Variants in EVI5 observed in about 807,000 individuals in gnomAD.
EVI5 encodes the protein ecotropic viral integration site 5.
In EVI5, 73 loss-of-function variants were observed where a neutral mutation model predicts 112.0. The ratio of observed to expected loss-of-function variants is 0.65; its 90% CI spans 0.54 to 0.79. EVI5 has a LOEUF of 0.79. Ranked by LOEUF, EVI5 falls within the 30% of genes least tolerant of loss-of-function variation. The pLI is 0.00. For synonymous variants in EVI5, 305 were observed against 319.9 expected (o/e 0.95, Z 0.50); for missense variants, 900 against 968.8 (o/e 0.93, Z 0.94).
intron 1 of EVI5, among the ~76,000 whole-genome samples, chr1:92,765,215 CTTT>C (rs533143502): frequency 8.6e-6 from 1 of 116,430 alleles, no homozygotes; most frequent in South Asian, 2.9e-4. Context: ...TTTTTCCTTC[CTTT>C]TTTTTTTTTT....
chr1:92,522,940 G>A (rs149969437), intron 19 of EVI5, among the ~76,000 whole-genome samples: 1 of 152,134 alleles, frequency 6.6e-6, no homozygotes, highest in Non-Finnish European at 1.5e-5. Context: ...TTTTATTTCT[G>A]TAGAGATGAG....
At chr1:92,634,844 C>T (rs533645096) in intron 14 of EVI5, among the ~76,000 whole-genome samples, 1 of 152,318 alleles carries the variant, frequency 6.6e-6, no homozygotes, top group South Asian at 2.1e-4. Flanking sequence ...TGGTGACGTA[C>T]AGATGGGGTT....
intron 14 of EVI5, among the ~76,000 whole-genome samples, chr1:92,634,480 A>G (rs1053727573): frequency 2.6e-5 from 4 of 152,046 alleles, no homozygotes; most frequent in African/African-American, 7.3e-5. Context: ...TCGGCTACTG[A>G]GGCTTGTGCA....
chr1:92,759,748 T>C (rs1337715218), intron 1 of EVI5, among the ~76,000 whole-genome samples: 1 of 152,196 alleles, frequency 6.6e-6, no homozygotes, highest in African/African-American at 2.4e-5. Flanking sequence ...CTGTCTGGCT[T>C]ATTTTACTTA....
intron 1 of EVI5, among the ~76,000 whole-genome samples, chr1:92,750,757 G>GA (rs1324821647): frequency 6.6e-6 from 1 of 152,006 alleles, no homozygotes; most frequent in East Asian, 1.9e-4. Context: ...TTCTTCCTGT[G>GA]AAAAAGGTCA....
chr1:92,528,881 G>A (rs1224272997), intron 19 of EVI5, among the ~76,000 whole-genome samples: 1 of 152,150 alleles, frequency 6.6e-6, no homozygotes. Flanking sequence ...GCTCATTTTT[G>A]TGATAATTCA....
intron 2 of EVI5, among the ~76,000 whole-genome samples, chr1:92,712,453 GA>G (rs1462443398): frequency 6.6e-6 from 1 of 151,926 alleles, no homozygotes; most frequent in Non-Finnish European, 1.5e-5. Flanking sequence ...AGACATTCCA[GA>G]AAAACAAGCC....
intron 18 of EVI5, among the ~76,000 whole-genome samples, chr1:92,596,650 C>T (rs1042222788): frequency 4.6e-5 from 7 of 152,020 alleles, no homozygotes; most frequent in Non-Finnish European, 8.8e-5. Flanking sequence ...GTATATATTA[C>T]AGAAAAAACA....
intron 1 of EVI5, chr1:92,756,147 G>A (rs896256250): frequency 3.5e-5 from 13 of 373,894 alleles, no homozygotes; most frequent in African/African-American, 2.7e-4. Flanking sequence ...TAGGTGTTAT[G>A]ACTAATATGA....
chr1:92,781,145 C>T (rs575577914), intron 1 of EVI5, among the ~76,000 whole-genome samples: 1 of 151,994 alleles, frequency 6.6e-6, no homozygotes, highest in Non-Finnish European at 1.5e-5. Flanking sequence ...CCACCACGCC[C>T]GGCCTAAAAA....
At chr1:92,590,625 A>C (rs1175865548) in intron 18 of EVI5, among the ~76,000 whole-genome samples, 1 of 152,226 alleles carries the variant, frequency 6.6e-6, no homozygotes, top group Non-Finnish European at 1.5e-5. Context: ...AAAAGACCAA[A>C]TCTACGTCTA....
At chr1:92,646,013 CTTG>C (rs980272161) in intron 13 of EVI5, among the ~76,000 whole-genome samples, 1 of 152,228 alleles carries the variant, frequency 6.6e-6, no homozygotes, top group Non-Finnish European at 1.5e-5. Context: ...AACCAGATCA[CTTG>C]TTGTTGGTTC....
chr1:92,561,233 T>C (rs1035092085), intron 19 of EVI5, among the ~76,000 whole-genome samples: 44 of 152,244 alleles, frequency 2.9e-4, no homozygotes, highest in African/African-American at 8.9e-4. Context: ...TTTTCTTTCC[T>C]TTTTCTCCCA....
intron 13 of EVI5, among the ~76,000 whole-genome samples, chr1:92,640,681 C>T (rs4417075): frequency 0.92 from 139,854 of 152,094 alleles, 64,364 homozygotes; most frequent in East Asian, 0.97. Context: ...TCAACCAACA[C>T]GGTTCTAGAA....
intron 1 of EVI5, among the ~76,000 whole-genome samples, chr1:92,779,044 A>T (rs74101363): frequency 0.09 from 13,730 of 152,038 alleles, 1,769 homozygotes; most frequent in African/African-American, 0.29. Flanking sequence ...TAGACTCTAG[A>T]ATATAGGGTA....
chr1:92,634,149 A>G lies in EVI5; in HGVS notation c.1527+2053T>C, dbSNP rs557472034. On this transcript the variant is annotated intron_variant, in intron 14 of 19. Coordinates refer to ENST00000684568, the MANE Select transcript of EVI5 (RefSeq NM_001350197.2). Reference sequence around the variant, plus strand: ...CATTTCAACTTTGGTGAATCTGACAATTATGTGTCTTGGAGTTGCTCTTCT... The same window carrying G: ...CATTTCAACTTTGGTGAATCTGACAGTTATGTGTCTTGGAGTTGCTCTTCT... Among the ~76,000 whole-genome samples, 83 of 152,230 alleles carry G rather than the reference A, an allele frequency of 5.5e-4. 1 individual carries two copies. In the South Asian group the frequency reaches 0.017, roughly 31 times the overall value.
chr1:92,573,521 A>AC (rs1309357997), intron 18 of EVI5, among the ~76,000 whole-genome samples: 2 of 151,980 alleles, frequency 1.3e-5, no homozygotes, highest in African/African-American at 4.8e-5. Context: ...AACTACCCCC[A>AC]CCATGGTAAA....
chr1:92,675,893 T>G (rs1253111949), intron 10 of EVI5, among the ~76,000 whole-genome samples: 4 of 150,882 alleles, frequency 2.7e-5, no homozygotes, highest in Non-Finnish European at 4.4e-5. Context: ...GAGGCGGAGC[T>G]TGCAGTGAGC....
At chr1:92,714,865 A>G (rs1474891098) in intron 2 of EVI5, among the ~76,000 whole-genome samples, 2 of 152,218 alleles carry the variant, frequency 1.3e-5, no homozygotes, top group Non-Finnish European at 2.9e-5. Flanking sequence ...TCCTGGGATT[A>G]CAGGCATGAA....
Sources: allele counts gnomAD v4.1 joint callset (sites outside exome capture counted in the v4.1 genomes callset), GRCh38; gene constraint gnomAD v4.1.1; transcripts MANE v1.5; gene names NCBI Gene and HGNC (gene_info 2026-07-23, HGNC 2026-07-21).